Variants in FHIT observed in about 807,000 individuals in gnomAD.
FHIT encodes the protein fragile histidine triad diadenosine triphosphatase, also known as bis(5'-adenosyl)-triphosphatase.
FHIT carries 19 observed loss-of-function variants against 17.9 expected under a neutral mutation model. The ratio of observed to expected loss-of-function variants is 1.06; its 90% CI spans 0.74 to 1.56. The LOEUF (loss-of-function observed/expected upper bound fraction) is 1.56, where lower values mean the gene tolerates loss of function less well. Among genes scored for constraint, FHIT ranks in the 40% most tolerant of loss-of-function variants. FHIT has a pLI of 0.00. For synonymous variants in FHIT, 81 were observed against 69.7 expected, an observed-to-expected ratio of 1.16 and a Z score of -0.81; for missense variants, 248 against 189.2, an observed-to-expected ratio of 1.31 and a Z score of -1.82.
chr3:60,131,054 C>CATATGTGTATATATACACATAT (rs762804235), intron 5 of FHIT, among the ~76,000 whole-genome samples: 1 of 74,222 alleles, frequency 1.3e-5, no homozygotes, highest in African/African-American at 8.9e-5. Flanking sequence ...CACATATATA[C>CATATGTGTATATATACACATAT]ATACATACAC....
At chr3:60,450,401 T>G (rs1365659982) in intron 5 of FHIT, among the ~76,000 whole-genome samples, 1 of 152,064 alleles carries the variant, frequency 6.6e-6, no homozygotes, top group Non-Finnish European at 1.5e-5. Flanking sequence ...GATATAAATA[T>G]GTATATATAT....
chr3:60,145,503 A>C (rs1326333657), intron 5 of FHIT, among the ~76,000 whole-genome samples: 1 of 152,218 alleles, frequency 6.6e-6, no homozygotes, highest in Non-Finnish European at 1.5e-5. Context: ...GACTAAAAAC[A>C]GACCTGTGGG....
At chr3:61,215,109 G>A (rs1188202499) in intron 1 of FHIT, among the ~76,000 whole-genome samples, 2 of 151,824 alleles carry the variant, frequency 1.3e-5, no homozygotes, top group Non-Finnish European at 2.9e-5. Flanking sequence ...AGACAGGGAT[G>A]CCCTCTCTCA....
intron 5 of FHIT, among the ~76,000 whole-genome samples, chr3:60,425,589 C>T (rs976114057): frequency 2.0e-5 from 3 of 152,118 alleles, no homozygotes; most frequent in African/African-American, 7.2e-5. Flanking sequence ...AACAGGGAAG[C>T]ATCCCTTTTT....
At chr3:60,752,078 G>A (rs1461980814) in intron 4 of FHIT, among the ~76,000 whole-genome samples, 2 of 152,080 alleles carry the variant, frequency 1.3e-5, no homozygotes, top group African/African-American at 2.4e-5. Context: ...CTACGTACAC[G>A]CATAATGAGA....
intron 2 of FHIT, among the ~76,000 whole-genome samples, chr3:61,161,506 A>T (rs1482864469): frequency 6.6e-6 from 1 of 152,140 alleles, no homozygotes; most frequent in African/African-American, 2.4e-5. Flanking sequence ...CCAGCCACAA[A>T]TTGCTATTTT....
rs2039519091 is a variant in FHIT, at chr3:61,212,578, G to A, written c.-212-11913C>T. Reference sequence around the variant, plus strand: ...ATGGAACCAAGTTGGAAAACACTCTGCAGGATATTATCCAGGAGAACTTCC... The same window carrying A: ...ATGGAACCAAGTTGGAAAACACTCTACAGGATATTATCCAGGAGAACTTCC... On this transcript the variant is annotated intron_variant, in intron 1 of 9. Coordinates refer to ENST00000492590, the MANE Select transcript of FHIT (RefSeq NM_002012.4). Among the ~76,000 whole-genome samples the A allele has an allele frequency of 2.0e-5, 3 of 152,196 alleles. No homozygotes were observed. In the South Asian group the frequency reaches 6.2e-4, roughly 32 times the overall value.
chr3:60,260,810 C>T (rs576954436), intron 5 of FHIT, among the ~76,000 whole-genome samples: 13 of 151,914 alleles, frequency 8.6e-5, no homozygotes, highest in Non-Finnish European at 1.5e-4. Flanking sequence ...CAAAACCCAT[C>T]GAAACCAAGA....
intron 7 of FHIT, among the ~76,000 whole-genome samples, chr3:59,936,338 T>A (rs1371946807): frequency 6.6e-6 from 1 of 152,178 alleles, no homozygotes; most frequent in African/African-American, 2.4e-5. Context: ...GCCTTTCTGT[T>A]GGGTACACAA....
rs144768412 is a variant in FHIT, at chr3:60,085,633, T to C, written c.104-71481A>G. On this transcript the variant is annotated intron_variant, in intron 5 of 9. Coordinates refer to ENST00000492590, the MANE Select transcript of FHIT (RefSeq NM_002012.4). Reference sequence around the variant, plus strand: ...TGTCATTTCAGAACCTCATATACAGTATTCTTTAATAGCCAGAAACACAAT... The same window carrying C: ...TGTCATTTCAGAACCTCATATACAGCATTCTTTAATAGCCAGAAACACAAT... Among the ~76,000 whole-genome samples, 467 of 152,282 alleles carry C rather than the reference T, an allele frequency of 3.1e-3. 3 individuals are homozygous for C. The highest frequency in any genetic ancestry group is 0.017 in the Middle Eastern group (5 of 294).
chr3:61,046,221 A>T (rs2033779699), intron 2 of FHIT, among the ~76,000 whole-genome samples: 1 of 152,198 alleles, frequency 6.6e-6, no homozygotes, highest in Admixed American at 6.5e-5. Context: ...AGAAAAGATC[A>T]ACAAAATTGA....
rs923154156 is a variant in FHIT at position 61,037,730 on chromosome 3, T to C, written c.-111+4317A>G. On this transcript the variant is annotated intron_variant, in intron 3 of 9. Transcript: ENST00000492590. ...GAGTTAGGCCTTTTTCCCTCACTCA[T>C]GTGTGCATGTCTTTTATCCTTCTGC... Among the ~76,000 whole-genome samples, 9 of 152,226 alleles carry C rather than the reference T, an allele frequency of 5.9e-5. 1 individual carries two copies. The highest frequency in any genetic ancestry group is 3.9e-4 in the Admixed American group (6 of 15,286).
intron 7 of FHIT, among the ~76,000 whole-genome samples, chr3:59,967,318 A>G (rs1707972673): frequency 6.6e-6 from 1 of 152,214 alleles, no homozygotes; most frequent in Non-Finnish European, 1.5e-5. Context: ...GGTACAAACT[A>G]GTAACATAGT....
chr3:60,195,202 G>T (rs1702573351), intron 5 of FHIT, among the ~76,000 whole-genome samples: 1 of 151,622 alleles, frequency 6.6e-6, no homozygotes, highest in African/African-American at 2.4e-5. Flanking sequence ...AAAAACCACA[G>T]TAAGACACCA....
At chr3:60,883,197 A>T (rs1223715655) in intron 3 of FHIT, among the ~76,000 whole-genome samples, 2 of 152,108 alleles carry the variant, frequency 1.3e-5, no homozygotes, top group African/African-American at 2.4e-5. Flanking sequence ...ATGACAGGAC[A>T]CTGATAAAAG....
At chr3:60,110,151 C>A (rs566216430) in intron 5 of FHIT, among the ~76,000 whole-genome samples, 1 of 152,066 alleles carries the variant, frequency 6.6e-6, no homozygotes. Flanking sequence ...TATGAGGACA[C>A]GGGGGGTTGG....
At chr3:60,329,108 G>C (rs1193017181) in intron 5 of FHIT, among the ~76,000 whole-genome samples, 3 of 152,200 alleles carry the variant, frequency 2.0e-5, no homozygotes, top group Non-Finnish European at 2.9e-5. Context: ...TCAAGGATGA[G>C]AACCATGACA....
intron 4 of FHIT, among the ~76,000 whole-genome samples, chr3:60,642,138 T>C (rs1559607246): frequency 1.3e-5 from 2 of 151,756 alleles, no homozygotes; most frequent in Non-Finnish European, 2.9e-5. Context: ...CTCTTTCCAG[T>C]ACCTCCCATT....
chr3:60,285,703 T>C (rs957425694), intron 5 of FHIT, among the ~76,000 whole-genome samples: 2 of 152,192 alleles, frequency 1.3e-5, no homozygotes, highest in Non-Finnish European at 2.9e-5. Flanking sequence ...AGTCTTGTAC[T>C]TGGTGTTGGC....
Sources: allele counts gnomAD v4.1 joint callset (sites outside exome capture counted in the v4.1 genomes callset), GRCh38; gene constraint gnomAD v4.1.1; transcripts MANE v1.5; gene names NCBI Gene and HGNC (gene_info 2026-07-23, HGNC 2026-07-21).